HDAC9: variants seen among roughly 807,000 people sequenced by gnomAD.
HDAC9 encodes the protein histone deacetylase 9.
In HDAC9, 41 loss-of-function variants were observed where a neutral mutation model predicts 139.4. The observed-to-expected ratio is 0.29, with a 90% CI of 0.23 to 0.38. The LOEUF (loss-of-function observed/expected upper bound fraction) is 0.38, where lower values mean the gene tolerates loss of function less well. Ranked by LOEUF, HDAC9 falls within the 10% of genes least tolerant of loss-of-function variation. The pLI, the probability that HDAC9 is intolerant of heterozygous loss-of-function variation, is 1.00. For missense variants in HDAC9, 1,147 were observed against 1,297.0 expected (o/e 0.88, Z 1.78); for synonymous variants, 517 against 476.2 (o/e 1.09, Z -1.12).
At chr7:18,736,761 G>A (rs994480175) in intron 13 of HDAC9, among the ~76,000 whole-genome samples, 4 of 152,144 alleles carry the variant, frequency 2.6e-5, no homozygotes, top group Admixed American at 1.3e-4. Context: ...AATCAGTTAC[G>A]GAGAATTCCC....
At chr7:18,204,012 T>C (rs1229637852) in intron 2 of HDAC9, among the ~76,000 whole-genome samples, 1 of 152,144 alleles carries the variant, frequency 6.6e-6, no homozygotes, top group East Asian at 1.9e-4. Context: ...ACATGGTGAA[T>C]GTAAACAAAC....
At chr7:18,177,850 A>G (rs1449904829) in intron 2 of HDAC9, among the ~76,000 whole-genome samples, 1 of 152,160 alleles carries the variant, frequency 6.6e-6, no homozygotes, top group Non-Finnish European at 1.5e-5. Flanking sequence ...AATAAAGGGC[A>G]CTTTGTGAGG....
chr7:18,278,336 T>C (rs1796880115), intron 2 of HDAC9, among the ~76,000 whole-genome samples: 1 of 152,182 alleles, frequency 6.6e-6, no homozygotes, highest in Admixed American at 6.5e-5. Flanking sequence ...TTAGCAATGA[T>C]TTAAAAACAA....
chr7:18,820,488 T>G (rs781491819), intron 17 of HDAC9, among the ~76,000 whole-genome samples: 3 of 152,186 alleles, frequency 2.0e-5, no homozygotes, highest in Non-Finnish European at 4.4e-5. Flanking sequence ...AAGCACAAAA[T>G]ATTTTATGTG....
chr7:18,497,078 C>T (rs927967892), intron 2 of HDAC9, among the ~76,000 whole-genome samples: 1 of 152,090 alleles, frequency 6.6e-6, no homozygotes, highest in Non-Finnish European at 1.5e-5. Flanking sequence ...AGCTTGTCAG[C>T]CTTGTCAATT....
chr7:18,644,080 G>A (rs989202433), intron 8 of HDAC9, among the ~76,000 whole-genome samples: 1 of 152,038 alleles, frequency 6.6e-6, no homozygotes, highest in Non-Finnish European at 1.5e-5. Flanking sequence ...CTGTGGCATA[G>A]GACTCATAAC....
rs769621883 is a variant in HDAC9, at chr7:18,590,436, G to A, written c.365G>A (p.Arg122His). 6.2e-6 allele frequency: 10 copies of A among 1,605,918 alleles called. No individual in the cohort carries two copies. Among genetic ancestry groups the A allele is most frequent in the Non-Finnish European group, 8.5e-6 (10 of 1,175,948 alleles). Residue 122 changes from arginine (R) to histidine (H), a missense_variant, in exon 4 of 26, where the codon CGC (arginine) becomes CAC (histidine). By Grantham distance (29) the Arg-to-His change is conservative (BLOSUM62 0). Transcript: ENST00000686413. ...QRQEQEVERH[R>H]REQQLPPLRG... Reference sequence around the variant, plus strand: ...CAAGAACAGGAAGTAGAGAGGCATCGCAGAGAACAGCAGCTTCCTCCTCTC... The same window carrying A: ...CAAGAACAGGAAGTAGAGAGGCATCACAGAGAACAGCAGCTTCCTCCTCTC...
chr7:18,828,095 G>A (rs573587781), intron 17 of HDAC9, among the ~76,000 whole-genome samples: 2 of 152,154 alleles, frequency 1.3e-5, no homozygotes, highest in Middle Eastern at 3.4e-3. Context: ...AACTCATTGT[G>A]TGTTAATGAC....
At chr7:18,743,463 G>C (rs184725374) in intron 13 of HDAC9, among the ~76,000 whole-genome samples, 60 of 152,158 alleles carry the variant, frequency 3.9e-4, no homozygotes, top group Non-Finnish European at 6.2e-4. Context: ...TATATCATTT[G>C]CTTGCTGGAT....
chr7:18,734,885 C>G (rs774565718), intron 13 of HDAC9, among the ~76,000 whole-genome samples: 4 of 152,220 alleles, frequency 2.6e-5, no homozygotes, highest in Non-Finnish European at 5.9e-5. Context: ...TCTCCACATC[C>G]TCTCCAGCAT....
chr7:18,150,002 C>G (rs567170991), intron 1 of HDAC9, among the ~76,000 whole-genome samples: 1 of 151,926 alleles, frequency 6.6e-6, no homozygotes. Flanking sequence ...CAGCCATAAT[C>G]CCATTACTAA....
chr7:18,315,894 T>G (rs1013099989), intron 1 of HDAC9, among the ~76,000 whole-genome samples: 1 of 152,236 alleles, frequency 6.6e-6, no homozygotes, highest in Non-Finnish European at 1.5e-5. Flanking sequence ...GAGTGTCTGA[T>G]GGACCTGTGT....
intron 22 of HDAC9, among the ~76,000 whole-genome samples, chr7:18,919,496 T>C (rs1803499981): frequency 6.6e-6 from 1 of 152,034 alleles, no homozygotes; most frequent in African/African-American, 2.4e-5. Context: ...GTTTTGCAAG[T>C]ATTAGTATTT....
intron 1 of HDAC9, among the ~76,000 whole-genome samples, chr7:18,400,878 C>T (rs1324445021): frequency 1.3e-5 from 2 of 152,112 alleles, no homozygotes; most frequent in Admixed American, 6.5e-5. Flanking sequence ...ACTTACTTTC[C>T]TCTTAGGTTT....
At chr7:18,365,393 T>C (rs970751342) in intron 1 of HDAC9, among the ~76,000 whole-genome samples, 2 of 152,116 alleles carry the variant, frequency 1.3e-5, no homozygotes, top group Admixed American at 6.6e-5. Context: ...GGCATTATAA[T>C]TAGGGAGACA....
chr7:18,952,995 T>A (rs771234807), intron 23 of HDAC9, among the ~76,000 whole-genome samples: 48 of 151,970 alleles, frequency 3.2e-4, no homozygotes, highest in Non-Finnish European at 6.5e-4. Flanking sequence ...AAGGTGCTAT[T>A]GTTGTAGATT....
At chr7:18,968,995 C>T (rs1164214093) in intron 24 of HDAC9, among the ~76,000 whole-genome samples, 2 of 130,734 alleles carry the variant, frequency 1.5e-5, no homozygotes, top group African/African-American at 2.8e-5. Flanking sequence ...ATCACTTTAT[C>T]CTCTAAATAA....
At chr7:18,347,223 G>T (rs1241671197) in intron 1 of HDAC9, among the ~76,000 whole-genome samples, 1 of 152,184 alleles carries the variant, frequency 6.6e-6, no homozygotes, top group African/African-American at 2.4e-5. Flanking sequence ...GTAGCTATGT[G>T]TATTTTTAAA....
chr7:18,964,532 G>A (rs1288178713), intron 24 of HDAC9, among the ~76,000 whole-genome samples: 5 of 152,078 alleles, frequency 3.3e-5, no homozygotes, highest in African/African-American at 9.7e-5. Context: ...TAATAAAATC[G>A]AAAAGTAAGA....
Sources: allele counts gnomAD v4.1 joint callset (sites outside exome capture counted in the v4.1 genomes callset), GRCh38; gene constraint gnomAD v4.1.1; transcripts MANE v1.5; gene names NCBI Gene and HGNC (gene_info 2026-07-23, HGNC 2026-07-21).